Variants in RBFOX1 observed in about 807,000 individuals in gnomAD.
RBFOX1 encodes the protein RNA binding fox-1 homolog 1, also known as RNA binding protein fox-1 homolog 1.
A neutral mutation model predicts 57.7 loss-of-function variants in RBFOX1; 8 were observed. That is an observed-to-expected ratio of 0.14 (90% confidence interval 0.08 to 0.25). The LOEUF (loss-of-function observed/expected upper bound fraction) is 0.25. Ranked by LOEUF, RBFOX1 falls within the 10% of genes least tolerant of loss-of-function variation. The probability of loss-of-function intolerance (pLI) is 1.00; values close to 1 mark genes in which losing one functional copy is unlikely to be tolerated. For synonymous variants in RBFOX1, 326 were observed against 222.4 expected, an observed-to-expected ratio of 1.47 and a Z score of -4.15; for missense variants, 611 against 548.5, an observed-to-expected ratio of 1.11 and a Z score of -1.14.
At chr16:5,888,881 A>G (rs558169863) in intron 4 of RBFOX1, among the ~76,000 whole-genome samples, 2 of 151,990 alleles carry the variant, frequency 1.3e-5, no homozygotes, top group South Asian at 2.1e-4. Flanking sequence ...ACACAGCCCT[A>G]TCTAGAAGCT....
chr16:6,987,026 A>T (rs2090439802), intron 3 of RBFOX1, among the ~76,000 whole-genome samples: 1 of 152,112 alleles, frequency 6.6e-6, no homozygotes, highest in Non-Finnish European at 1.5e-5. Context: ...GTGGAATGAA[A>T]CTTGCAAATA....
chr16:7,275,436 A>G (rs937369899), intron 4 of RBFOX1, among the ~76,000 whole-genome samples: 1 of 152,248 alleles, frequency 6.6e-6, no homozygotes. Context: ...ATGATTCTCC[A>G]GACATTAACA....
chr16:7,116,580 T>G (rs1410674958), intron 4 of RBFOX1, among the ~76,000 whole-genome samples: 1 of 152,146 alleles, frequency 6.6e-6, no homozygotes, highest in African/African-American at 2.4e-5. Context: ...AAGCTTAAAC[T>G]AAACCTTTTG....
chr16:6,476,551 T>C (rs945225262), intron 2 of RBFOX1, among the ~76,000 whole-genome samples: 3 of 152,196 alleles, frequency 2.0e-5, no homozygotes, highest in Non-Finnish European at 4.4e-5. Flanking sequence ...TAAAAAGACT[T>C]TATTGCTAAA....
intron 1 of RBFOX1, among the ~76,000 whole-genome samples, chr16:6,102,313 G>A (rs900028963): frequency 1.3e-5 from 2 of 151,950 alleles, no homozygotes; most frequent in African/African-American, 2.4e-5. Flanking sequence ...GACATCATTA[G>A]GTCTGTAGTA....
intron 1 of RBFOX1, among the ~76,000 whole-genome samples, chr16:6,282,636 G>A (rs1257084502): frequency 6.6e-6 from 1 of 151,990 alleles, no homozygotes; most frequent in Non-Finnish European, 1.5e-5. Flanking sequence ...AACATGTGGT[G>A]TTTCGTTTTC....
At chr16:6,687,229 A>T (rs772740078) in intron 3 of RBFOX1, among the ~76,000 whole-genome samples, 8 of 152,252 alleles carry the variant, frequency 5.3e-5, no homozygotes, top group Non-Finnish European at 1.0e-4. Flanking sequence ...AGTAGGAGCT[A>T]AGCTATGACT....
At chr16:7,375,435 T>C (rs1020339750) in intron 4 of RBFOX1, among the ~76,000 whole-genome samples, 11 of 152,074 alleles carry the variant, frequency 7.2e-5, no homozygotes, top group Non-Finnish European at 8.8e-5. Flanking sequence ...AATTAGCGGC[T>C]ATGGAATCTC....
At chr16:6,928,782 TC>T (rs1474559245) in intron 3 of RBFOX1, among the ~76,000 whole-genome samples, 2 of 152,062 alleles carry the variant, frequency 1.3e-5, no homozygotes, top group African/African-American at 4.8e-5. Context: ...TTGATTTCTT[TC>T]CGCTATGAAA....
chr16:6,583,712 G>T (rs546478736), intron 2 of RBFOX1, among the ~76,000 whole-genome samples: 34 of 152,274 alleles, frequency 2.2e-4, no homozygotes, highest in Non-Finnish European at 4.3e-4. Context: ...AACTGAAGTA[G>T]TAACTTTTAA....
intron 3 of RBFOX1, among the ~76,000 whole-genome samples, chr16:5,715,325 T>C (rs2051653858): frequency 6.6e-6 from 1 of 152,206 alleles, no homozygotes; most frequent in Non-Finnish European, 1.5e-5. Context: ...GCTCCTAGAT[T>C]ACTAATATGT....
chr16:5,257,655 G>A (rs1474255741), intron 1 of RBFOX1, among the ~76,000 whole-genome samples: 2 of 152,134 alleles, frequency 1.3e-5, no homozygotes, highest in Non-Finnish European at 2.9e-5. Context: ...GTGTGTTAAA[G>A]GCATGACTCA....
intron 2 of RBFOX1, among the ~76,000 whole-genome samples, chr16:5,557,663 T>G (rs2045730343): frequency 1.3e-5 from 2 of 152,056 alleles, no homozygotes; most frequent in South Asian, 4.2e-4. Context: ...GTGATCTAGT[T>G]CTTAGAAACA....
intron 2 of RBFOX1, among the ~76,000 whole-genome samples, chr16:5,530,745 C>A (rs190081590): frequency 6.6e-6 from 1 of 151,914 alleles, no homozygotes; most frequent in South Asian, 2.1e-4. Context: ...CCTTGAGGGG[C>A]AAAACTATCC....
chr16:6,072,367 T>A (rs1201378621), intron 1 of RBFOX1, among the ~76,000 whole-genome samples: 1 of 152,156 alleles, frequency 6.6e-6, no homozygotes, highest in East Asian at 1.9e-4. Context: ...GACACTTAGG[T>A]GGCTTCCATA....
intron 1 of RBFOX1, among the ~76,000 whole-genome samples, chr16:6,082,492 C>A: frequency 6.7e-6 from 1 of 149,918 alleles, no homozygotes. Context: ...AGGCACTATG[C>A]TTTTATTAGC....
chr16:5,251,129 C>T (rs1163997278), intron 1 of RBFOX1, among the ~76,000 whole-genome samples: 2 of 74,696 alleles, frequency 2.7e-5, no homozygotes, highest in African/African-American at 7.4e-5. Context: ...GCTAACGGTC[C>T]CCCCAGCCCC....
chr16:6,415,488 G>T (rs1299605147), intron 2 of RBFOX1, among the ~76,000 whole-genome samples: 1 of 151,804 alleles, frequency 6.6e-6, no homozygotes, highest in South Asian at 2.1e-4. Context: ...GGATCACGAG[G>T]TTAGGAGTAT....
At chr16:6,488,771 T>G (rs1331309639) in intron 2 of RBFOX1, among the ~76,000 whole-genome samples, 1 of 152,140 alleles carries the variant, frequency 6.6e-6, no homozygotes, top group Non-Finnish European at 1.5e-5. Context: ...TTGAAGACAG[T>G]TTTTGTGTCT....
Sources: allele counts gnomAD v4.1 joint callset (sites outside exome capture counted in the v4.1 genomes callset), GRCh38; gene constraint gnomAD v4.1.1; transcripts MANE v1.5; gene names NCBI Gene and HGNC (gene_info 2026-07-23, HGNC 2026-07-21).